SI: variants seen among roughly 807,000 people sequenced by gnomAD.
SI encodes the protein sucrase-isomaltase, intestinal.
In SI, 235 loss-of-function variants were observed where a neutral mutation model predicts 253.3. The ratio of observed to expected loss-of-function variants is 0.93; its 90% CI spans 0.83 to 1.03. The LOEUF (loss-of-function observed/expected upper bound fraction) is 1.03, where lower values mean the gene tolerates loss of function less well. Ranked by LOEUF, SI falls within the 50% of genes least tolerant of loss-of-function variation. The pLI, the probability that SI is intolerant of heterozygous loss-of-function variation, is 0.00. For missense variants in SI, 2,442 were observed against 2,211.1 expected, an observed-to-expected ratio of 1.10 and a Z score of -2.09; for synonymous variants, 819 against 712.0, an observed-to-expected ratio of 1.15 and a Z score of -2.39.
At chr3:165,074,752 A>T (rs1242146763) in intron 2 of SI, 85 bp from the exon 3 acceptor site, 7 of 1,125,936 alleles carry the variant, frequency 6.2e-6, no homozygotes, top group African/African-American at 1.6e-5. Flanking sequence ...ACTTTTTGAA[A>T]GAATACATGA....
intron 44 of SI, among the ~76,000 whole-genome samples, chr3:164,989,637 T>G (rs997987660): frequency 7.9e-5 from 12 of 151,844 alleles, no homozygotes; most frequent in Admixed American, 5.9e-4. Context: ...ACAAGACAGA[T>G]GAAGAGAGGC....
Position 165,019,641 on chromosome 3 carries a change from C to A in SI, c.3384G>T (p.Trp1128Cys). The change falls in exon 28 of 48, where the codon TGG (tryptophan) becomes TGT (cysteine). Residue 1128 changes from tryptophan to cysteine, a missense_variant. By Grantham distance (215) the Trp-to-Cys change is radical (BLOSUM62 -2). Transcript: ENST00000264382. ...CTCTTGTGAACATTCCCCAAGTATTCCAGTTCAGATCTCGCTTAAATGCTG... is the reference window on the plus strand; with the variant it reads ...CTCTTGTGAACATTCCCCAAGTATTACAGTTCAGATCTCGCTTAAATGCTG... ...EHTAFKRDLN[W>C]NTWGMFTRDQ... 2 of 1,612,538 alleles carry A rather than the reference C, an allele frequency of 1.2e-6. No individual in the cohort carries two copies. The highest frequency in any genetic ancestry group is 1.7e-6 in the Non-Finnish European group (2 of 1,179,044).
At chr3:165,071,121 T>C (rs1714550465) in intron 3 of SI, among the ~76,000 whole-genome samples, 4 of 152,152 alleles carry the variant, frequency 2.6e-5, no homozygotes, top group Admixed American at 1.3e-4. Flanking sequence ...TAATTGCTTC[T>C]GGAAAACTAT....
chr3:165,081,970 G>A (rs1291447678), upstream of SI, among the ~76,000 whole-genome samples: 1 of 151,942 alleles, frequency 6.6e-6, no homozygotes, highest in Non-Finnish European at 1.5e-5. Flanking sequence ...GCATATACAA[G>A]TGCTAGTATT....
intron 28 of SI, among the ~76,000 whole-genome samples, chr3:165,019,383 G>C (rs1719194387): frequency 6.6e-6 from 1 of 151,880 alleles, no homozygotes; most frequent in African/African-American, 2.4e-5. Flanking sequence ...TCTCACAGTA[G>C]TCAAGCAAAT....
chr3:165,015,417 T>G lies in SI; in HGVS notation c.3889-184A>C, dbSNP rs572771008. 3.9e-5 allele frequency among the ~76,000 whole-genome samples: 6 copies of G among 152,224 alleles called. No homozygotes were observed. In the East Asian group the frequency reaches 1.2e-3, roughly 29 times the overall value. ...CCCTCCAAATTTCTTAGAAGGAAAT[T>G]CTAAGGACTCTTGGAAATGCATCAG... is the stretch of plus-strand genomic sequence containing the variant. On this transcript the variant is annotated intron_variant, in intron 32 of 47. Coordinates refer to ENST00000264382, the MANE Select transcript of SI (RefSeq NM_001041.4).
chr3:165,012,175 G>A (rs1429709313), intron 34 of SI, among the ~76,000 whole-genome samples: 1 of 152,098 alleles, frequency 6.6e-6, no homozygotes. Context: ...CAACTTACAT[G>A]AAGTATCTAA....
chr3:165,003,372 T>G (rs1427954161), intron 37 of SI, among the ~76,000 whole-genome samples: 2 of 152,016 alleles, frequency 1.3e-5, no homozygotes, highest in Non-Finnish European at 2.9e-5. Flanking sequence ...AATTTAGCTG[T>G]GGATAATTAT....
intron 40 of SI, 86 bp from the exon 41 acceptor site, chr3:164,994,491 G>T: frequency 7.2e-7 from 1 of 1,390,268 alleles, no homozygotes; most frequent in Non-Finnish European, 1.0e-6. Context: ...GAACTAAAAA[G>T]TAAGACATGA....
chr3:165,036,836 C>T (rs1712559393), intron 21 of SI, among the ~76,000 whole-genome samples: 2 of 151,104 alleles, frequency 1.3e-5, no homozygotes, highest in South Asian at 2.1e-4. Flanking sequence ...AATCCTAAAT[C>T]TCAATGTATT....
At chr3:165,068,701 T>G (rs1714387338) in intron 5 of SI, 21 bp downstream of exon 5, 27 of 1,560,724 alleles carry the variant, frequency 1.7e-5, no homozygotes, top group Non-Finnish European at 2.4e-5. Context: ...ATTAAATCTT[T>G]GGAAACCTTA....
At chr3:165,002,016 A>T (rs955143964) in intron 37 of SI, among the ~76,000 whole-genome samples, 6 of 151,608 alleles carry the variant, frequency 4.0e-5, no homozygotes, top group Non-Finnish European at 7.4e-5. Flanking sequence ...GCACTTATTT[A>T]AAAATTGTAT....
rs1373954088 is a variant in SI at position 165,060,868 on chromosome 3, A to AT, written c.1021-842_1021-841insA. ...ATATCTGGTATATATATTAAAAAAA[A>AT]ATATATATATATATAGGATCCATGA... On this transcript the variant is annotated intron_variant, in intron 9 of 47. Transcript: ENST00000264382. 1.2e-3 allele frequency among the ~76,000 whole-genome samples: 170 copies of AT among 145,400 alleles called. 1 individual carries two copies. Among genetic ancestry groups the AT allele is most frequent in the Middle Eastern group, 7.5e-3 (2 of 266 alleles).
At chr3:164,999,267 C>T (rs1376551004) in intron 37 of SI, among the ~76,000 whole-genome samples, 1 of 151,498 alleles carries the variant, frequency 6.6e-6, no homozygotes, top group Non-Finnish European at 1.5e-5. Flanking sequence ...GATTTATTTC[C>T]CTTCTCAGTC....
Position 165,013,305 on chromosome 3 carries a change from C to T in SI, c.4000-263G>A, listed in dbSNP as rs376996164. On this transcript the variant is annotated intron_variant, in intron 33 of 47. Transcript: ENST00000264382. ...GTAGTTAGTAATTTTGAAAATAATA[C>T]ATATAACCAAAAGGTTCTGGTCAAA... 1.1e-3 allele frequency among the ~76,000 whole-genome samples: 173 copies of T among 152,084 alleles called. 1 individual carries two copies. The highest frequency in any genetic ancestry group is 4.0e-3 in the African/African-American group (166 of 41,518).
chr3:164,996,392 G>A (rs1576874202), intron 40 of SI, 143 bp downstream of exon 40: 1 of 618,486 alleles, frequency 1.6e-6, no homozygotes. Flanking sequence ...CTCAAAAAAA[G>A]TTCCTCCAGA....
intron 37 of SI, among the ~76,000 whole-genome samples, chr3:164,999,322 G>A (rs2108140662): frequency 6.6e-6 from 1 of 151,466 alleles, no homozygotes; most frequent in Admixed American, 6.6e-5. Flanking sequence ...ATATGTTCTA[G>A]TTTTAGAAAA....
chr3:165,073,505 A>G (rs1166088838), intron 3 of SI, among the ~76,000 whole-genome samples: 1 of 152,036 alleles, frequency 6.6e-6, no homozygotes, highest in Admixed American at 6.6e-5. Context: ...TTGCATGCTT[A>G]CTATGATGTA....
chr3:165,043,020 G>T (rs1712926748), intron 17 of SI, 39 bp downstream of exon 17: 2 of 1,200,946 alleles, frequency 1.7e-6, no homozygotes, highest in Non-Finnish European at 2.5e-6. Context: ...AACTATGGTT[G>T]TTTTTTATTT....
Sources: gnomAD v4.1 joint callset for allele counts (sites outside exome capture counted in the v4.1 genomes callset) on GRCh38, gnomAD v4.1.1 for gene constraint, MANE v1.5 for transcripts, NCBI Gene and HGNC (gene_info 2026-07-23, HGNC 2026-07-21) for gene names.